CCDC82: variants seen among roughly 807,000 people sequenced by gnomAD.
CCDC82 encodes the protein coiled-coil domain containing 82, also known as coiled-coil domain-containing protein 82.
In CCDC82, 47 loss-of-function variants were observed where a neutral mutation model predicts 60.6. That is an observed-to-expected ratio of 0.77 (90% confidence interval 0.61 to 0.99). The LOEUF (loss-of-function observed/expected upper bound fraction) is 0.99, where lower values mean the gene tolerates loss of function less well. Among genes scored for constraint, CCDC82 ranks in the 50% least tolerant of loss-of-function variants. The probability of loss-of-function intolerance (pLI) is 0.00; values close to 1 mark genes in which losing one functional copy is unlikely to be tolerated. For missense variants in CCDC82, 588 were observed against 633.0 expected, an observed-to-expected ratio of 0.93 and a Z score of 0.76; for synonymous variants, 212 against 207.4, an observed-to-expected ratio of 1.02 and a Z score of -0.19.
chr11:96,378,125 C>T (rs1865686127), intron 5 of CCDC82, among the ~76,000 whole-genome samples: 2 of 152,028 alleles, frequency 1.3e-5, no homozygotes, highest in Admixed American at 1.3e-4. Context: ...TTCTTCTCTA[C>T]CCTAGAACTT....
Position 96,373,383 on chromosome 11 carries a change from G to C in CCDC82, c.1076C>G (p.Thr359Arg), listed in dbSNP as rs766492295. Reference protein sequence around the residue: ...INALDESFLGTLYDGTRQKSY... With the variant: ...INALDESFLGRLYDGTRQKSY... ...TCATAGTATTAACTTACCATATAAT[G>C]TTCCCAGAAAAGATTCATCTAAAGC... The change falls in exon 6 of 10, where the codon ACA becomes AGA. Residue 359 changes from threonine (T) to arginine (R), a missense_variant. Physicochemically the swap from Thr to Arg is moderately conservative, Grantham distance 71 (BLOSUM62 -1). Transcript: ENST00000646818. 1.3e-6 allele frequency: 2 copies of C among 1,594,174 alleles called. No homozygotes were observed. The highest frequency in any genetic ancestry group is 2.2e-5 in the South Asian group (2 of 90,040).
intron 8 of CCDC82, 153 bp downstream of exon 8, chr11:96,364,827 T>G: frequency 1.7e-6 from 1 of 592,994 alleles, no homozygotes; most frequent in Non-Finnish European, 2.9e-6. Flanking sequence ...GATGAACAGC[T>G]ATCTTCCATT....
intron 9 of CCDC82, 115 bp downstream of exon 9, chr11:96,358,878 G>A (rs1215298702): frequency 5.8e-6 from 6 of 1,039,674 alleles, no homozygotes; most frequent in African/African-American, 3.3e-5. Flanking sequence ...AAATACAAAC[G>A]ACAGAAGAAA....
intron 5 of CCDC82, among the ~76,000 whole-genome samples, chr11:96,375,829 T>C (rs2136162802): frequency 6.6e-6 from 1 of 152,216 alleles, no homozygotes; most frequent in East Asian, 1.9e-4. Flanking sequence ...AATTCAAATC[T>C]CCCATCTTAA....
chr11:96,378,810 T>C (rs1865719920), intron 5 of CCDC82, among the ~76,000 whole-genome samples: 1 of 151,960 alleles, frequency 6.6e-6, no homozygotes, highest in African/African-American at 2.4e-5. Context: ...TACCATATCT[T>C]TTCCAAGAAT....
chr11:96,380,273 G>C (rs1295347962), intron 5 of CCDC82, among the ~76,000 whole-genome samples: 1 of 151,702 alleles, frequency 6.6e-6, no homozygotes, highest in East Asian at 1.9e-4. Flanking sequence ...AAGGAGGAAA[G>C]GCATGAACTT....
At chr11:96,385,170 T>C (rs1426881346) in intron 3 of CCDC82, 1 of 156,326 alleles carries the variant, frequency 6.4e-6, no homozygotes, top group Non-Finnish European at 1.4e-5. Context: ...GTAAGGCAAG[T>C]GCTTCACTTT....
chr11:96,356,911 G>A (rs1288799473), intron 9 of CCDC82: 1 of 985,430 alleles, frequency 1.0e-6, no homozygotes. Flanking sequence ...CAAGCTGGAG[G>A]CAGAAAGACA....
intron 7 of CCDC82, among the ~76,000 whole-genome samples, chr11:96,366,345 C>A (rs914823152): frequency 6.6e-6 from 1 of 152,328 alleles, no homozygotes; most frequent in Admixed American, 6.5e-5. Flanking sequence ...TAATTAAGAT[C>A]TTACTGAATC....
chr11:96,383,222 A>G (rs948927744), intron 5 of CCDC82, 47 bp downstream of exon 5: 1 of 1,087,710 alleles, frequency 9.2e-7, no homozygotes, highest in Non-Finnish European at 1.4e-6. Context: ...ACTTGATAAA[A>G]TATCATGAGA....
chr11:96,357,817 A>G, intron 9 of CCDC82: 1 of 985,390 alleles, frequency 1.0e-6, no homozygotes, highest in Non-Finnish European at 1.2e-6. Flanking sequence ...CTCTCTCCTA[A>G]AGCAAATGAA....
intron 7 of CCDC82, among the ~76,000 whole-genome samples, chr11:96,369,849 C>A (rs148103369): frequency 2.6e-5 from 4 of 152,114 alleles, no homozygotes; most frequent in Non-Finnish European, 5.9e-5. Context: ...TGCAACAAAA[C>A]GAGGTATGCT....
intron 8 of CCDC82, chr11:96,359,393 C>A (rs1485360614): frequency 2.3e-6 from 1 of 431,194 alleles, no homozygotes; most frequent in Non-Finnish European, 4.0e-6. Flanking sequence ...AAATAAAATA[C>A]CTATTACCGG....
intron 9 of CCDC82, chr11:96,355,211 T>C (rs1008745686): frequency 6.6e-6 from 1 of 152,088 alleles, no homozygotes; most frequent in Non-Finnish European, 1.5e-5. Flanking sequence ...TAAATTTCTT[T>C]TGGAAAATTA....
rs745505412 is a variant in CCDC82 at position 96,384,184 on chromosome 11, C to T, written c.564G>A (p.Val188=). ...KRGKRKRLSS[V]MCDSDESDDS... The stretch of plus-strand genomic sequence containing the variant: ...CATCACTCTCATCACTGTCACACAT[C>T]ACAGAGGATAGCCTTTTTCTTTTTC... Residue 188 remains valine (V), a synonymous_variant, in exon 4 of 10, where the codon GTG becomes GTA. Transcript: ENST00000646818. The T allele has an allele frequency of 6.2e-7, 1 of 1,613,838 alleles. No homozygotes were observed. The highest frequency in any genetic ancestry group is 2.2e-5 in the East Asian group (1 of 44,876).
chr11:96,383,699 T>C (rs1866005229), intron 4 of CCDC82, among the ~76,000 whole-genome samples: 1 of 151,880 alleles, frequency 6.6e-6, no homozygotes, highest in South Asian at 2.1e-4. Flanking sequence ...AAATGGACAT[T>C]AGAATTATAA....
chr11:96,372,789 TA>T (rs1056852790), intron 6 of CCDC82, among the ~76,000 whole-genome samples: 2 of 148,388 alleles, frequency 1.3e-5, no homozygotes, highest in Non-Finnish European at 3.0e-5. Context: ...CACACTATGA[TA>T]AGGGAAGAAA....
At chr11:96,354,815 A>G (rs933506843) in intron 9 of CCDC82, 1 of 152,232 alleles carries the variant, frequency 6.6e-6, no homozygotes, top group Non-Finnish European at 1.5e-5. Flanking sequence ...GGGATTAATG[A>G]CATACTAGTT....
Position 96,365,115 on chromosome 11 carries a change from A to G in CCDC82, c.1245T>C (p.His415=). 6.3e-7 allele frequency: 1 copy of G among 1,598,244 alleles called. No homozygotes were observed. Among genetic ancestry groups the G allele is most frequent in the South Asian group, 1.2e-5 (1 of 86,800 alleles). ...AGGAACAGTTTTCAGGATTCTTCAA[A>G]TGAATACTTACATTAGAATAATTTT... is the stretch of plus-strand genomic sequence containing the variant. ...RVENYSNVSI[H]LKNPENCSCQ... Residue 415 remains histidine, a synonymous_variant, in exon 8 of 10, where the codon CAT becomes CAC. Transcript: ENST00000646818.
Sources: allele counts gnomAD v4.1 joint callset (sites outside exome capture counted in the v4.1 genomes callset), GRCh38; gene constraint gnomAD v4.1.1; transcripts MANE v1.5; gene names NCBI Gene and HGNC (gene_info 2026-07-23, HGNC 2026-07-21).